Variants in TNKS observed in about 807,000 individuals in gnomAD.
TNKS encodes the protein poly [ADP-ribose] polymerase tankyrase-1.
Under a neutral mutation model 135.8 loss-of-function variants are expected in TNKS, and 72 were observed. That is an observed-to-expected ratio of 0.53 (90% CI 0.44 to 0.64). TNKS has a LOEUF of 0.64. TNKS is among the 30% of genes least tolerant of loss of function. The probability of loss-of-function intolerance (pLI) is 0.00; values close to 1 mark genes in which losing one functional copy is unlikely to be tolerated. For synonymous variants in TNKS, 849 were observed against 649.3 expected (o/e 1.31, Z -4.68); for missense variants, 1,769 against 1,674.0 (o/e 1.06, Z -0.99).
intron 12 of TNKS, 94 bp downstream of exon 12, chr8:9,720,639 A>C: frequency 7.4e-7 from 1 of 1,344,442 alleles, no homozygotes; most frequent in Non-Finnish European, 9.9e-7. Context: ...CTTTGCCTGA[A>C]GTTTTTCTCA....
chr8:9,750,961 A>G (rs990575769), intron 18 of TNKS, among the ~76,000 whole-genome samples: 2 of 152,240 alleles, frequency 1.3e-5, no homozygotes, highest in African/African-American at 4.8e-5. Flanking sequence ...GAGTAAAAGT[A>G]GACACTGCCA....
At chr8:9,759,631 G>A (rs1807035511) in intron 20 of TNKS, among the ~76,000 whole-genome samples, 1 of 152,072 alleles carries the variant, frequency 6.6e-6, no homozygotes, top group Non-Finnish European at 1.5e-5. Flanking sequence ...GTGTTTTGCT[G>A]GCCTGGTGTC....
chr8:9,580,918 T>C (rs1365420897), intron 2 of TNKS, among the ~76,000 whole-genome samples: 1 of 152,224 alleles, frequency 6.6e-6, no homozygotes, highest in African/African-American at 2.4e-5. Context: ...GGTATCTAGA[T>C]GAAACGAAGC....
intron 3 of TNKS, among the ~76,000 whole-genome samples, chr8:9,647,318 C>G (rs1299308552): frequency 6.6e-6 from 1 of 152,112 alleles, no homozygotes; most frequent in East Asian, 1.9e-4. Flanking sequence ...AGGGATAGAA[C>G]AGTTGGATTT....
intron 13 of TNKS, among the ~76,000 whole-genome samples, chr8:9,728,973 A>C (rs60942347): frequency 0.096 from 14,635 of 152,240 alleles, 879 homozygotes; most frequent in South Asian, 0.17. Flanking sequence ...ATTTCTAAGC[A>C]ATAGAAATTT....
intron 1 of TNKS, among the ~76,000 whole-genome samples, chr8:9,579,337 C>T (rs560752360): frequency 6.6e-6 from 1 of 152,330 alleles, no homozygotes; most frequent in Admixed American, 6.5e-5. Flanking sequence ...TCTTCCTTTT[C>T]AAAATTCCCT....
chr8:9,581,428 C>G (rs1334280022), intron 2 of TNKS, among the ~76,000 whole-genome samples: 1 of 152,180 alleles, frequency 6.6e-6, no homozygotes, highest in Non-Finnish European at 1.5e-5. Context: ...CTGACTCTCC[C>G]ATTTCCTCCT....
chr8:9,697,632 G>T (rs1803580094), intron 5 of TNKS, among the ~76,000 whole-genome samples: 1 of 152,104 alleles, frequency 6.6e-6, no homozygotes. Context: ...CAAAGGACAT[G>T]AACAGACATT....
At chr8:9,762,963 C>T (rs887085587) in intron 21 of TNKS, among the ~76,000 whole-genome samples, 184 bp from the exon 22 acceptor site, 1 of 151,048 alleles carries the variant, frequency 6.6e-6, no homozygotes, top group Admixed American at 6.6e-5. Context: ...TTTTTTTCTC[C>T]TGTCTGTCTT....
chr8:9,578,878 G>A (rs768149356), intron 1 of TNKS, among the ~76,000 whole-genome samples: 14 of 151,978 alleles, frequency 9.2e-5, no homozygotes, highest in Non-Finnish European at 1.5e-4. Context: ...GAATATTTGC[G>A]GTTTCCTTTT....
At chr8:9,580,497 G>A in intron 2 of TNKS, 114 bp downstream of exon 2, 1 of 898,326 alleles carries the variant, frequency 1.1e-6, no homozygotes, top group Non-Finnish European at 1.7e-6. Flanking sequence ...GCTTCTTGTA[G>A]AAGCAGTTCT....
intron 3 of TNKS, among the ~76,000 whole-genome samples, chr8:9,669,045 G>A (rs1331105970): frequency 6.6e-6 from 1 of 152,114 alleles, no homozygotes; most frequent in Non-Finnish European, 1.5e-5. Context: ...AGGGATTAAG[G>A]AGTAATTTAG....
intron 3 of TNKS, among the ~76,000 whole-genome samples, chr8:9,644,292 T>C (rs935099311): frequency 1.1e-4 from 17 of 152,164 alleles, no homozygotes; most frequent in Non-Finnish European, 1.8e-4. Context: ...GTGGCTGAGG[T>C]GATGCCATAA....
rs1316473127 is a variant in TNKS, at chr8:9,719,345, C to T, written c.1750-1029C>T. On this transcript the variant is annotated intron_variant, in intron 11 of 26. Coordinates refer to ENST00000310430, the MANE Select transcript of TNKS (RefSeq NM_003747.3). ...TACACAAATATTTTCAATAATCAAC[C>T]AGCATATAATTGAGAATTTACTGTG... is the stretch of plus-strand genomic sequence containing the variant. 3.9e-5 allele frequency among the ~76,000 whole-genome samples: 6 copies of T among 151,912 alleles called. No homozygotes were observed. In the South Asian group the frequency reaches 1.3e-3, roughly 32 times the overall value.
chr8:9,664,109 A>G lies in TNKS; in HGVS notation c.995-15842A>G, dbSNP rs575019264. ...TCCATTTAATGTGTTGCTGTAAGGA[A>G]TACCTCGAGGCTGGGTAATTTATAA... On this transcript the variant is annotated intron_variant, in intron 3 of 26. Coordinates refer to ENST00000310430, the MANE Select transcript of TNKS (RefSeq NM_003747.3). 2.0e-5 allele frequency among the ~76,000 whole-genome samples: 3 copies of G among 152,290 alleles called. No homozygotes were observed. In the South Asian group the frequency reaches 6.2e-4, roughly 32 times the overall value.
intron 2 of TNKS, among the ~76,000 whole-genome samples, chr8:9,593,991 A>G (rs968838252): frequency 2.6e-5 from 4 of 152,064 alleles, no homozygotes; most frequent in African/African-American, 9.7e-5. Context: ...GGTTCAAGCA[A>G]TTCTGCTGCC....
At chr8:9,640,760 A>G (rs903054619) in intron 3 of TNKS, among the ~76,000 whole-genome samples, 1 of 145,908 alleles carries the variant, frequency 6.9e-6, no homozygotes, top group African/African-American at 2.5e-5. Flanking sequence ...CATGGAATAT[A>G]AATAATCAGA....
At chr8:9,591,183 G>A (rs1289782145) in intron 2 of TNKS, among the ~76,000 whole-genome samples, 1 of 152,148 alleles carries the variant, frequency 6.6e-6, no homozygotes, top group Non-Finnish European at 1.5e-5. Context: ...TGTAAGCTTA[G>A]TAATAATTTA....
intron 11 of TNKS, among the ~76,000 whole-genome samples, chr8:9,710,708 A>G (rs915031286): frequency 3.9e-5 from 6 of 152,154 alleles, no homozygotes; most frequent in African/African-American, 1.2e-4. Context: ...CATCCTGGCT[A>G]AGACGGTGAA....
Sources: allele counts gnomAD v4.1 joint callset (sites outside exome capture counted in the v4.1 genomes callset), GRCh38; gene constraint gnomAD v4.1.1; transcripts MANE v1.5; gene names NCBI Gene and HGNC (gene_info 2026-07-23, HGNC 2026-07-21).